The following LPP variants were observed in gnomAD, a reference collection of about 807,000 sequenced individuals.
The protein encoded by LPP is LIM domain containing preferred translocation partner in lipoma.
Under a neutral mutation model 60.4 loss-of-function variants are expected in LPP, and 38 were observed. The observed-to-expected ratio is 0.63, with a 90% CI of 0.49 to 0.83. The LOEUF (loss-of-function observed/expected upper bound fraction) is 0.83. Ranked by LOEUF, LPP falls within the 40% of genes least tolerant of loss-of-function variation. The probability of loss-of-function intolerance (pLI) is 0.00; values close to 1 mark genes in which losing one functional copy is unlikely to be tolerated. For missense variants in LPP, 902 were observed against 783.6 expected (o/e 1.15, Z -1.80); for synonymous variants, 328 against 290.8 (o/e 1.13, Z -1.30).
intron 2 of LPP, among the ~76,000 whole-genome samples, chr3:188,230,593 G>C (rs531056558): frequency 6.6e-6 from 1 of 151,966 alleles, no homozygotes; most frequent in Non-Finnish European, 1.5e-5. Context: ...AGACCAGACT[G>C]ACCAAAATGG....
chr3:188,681,819 T>C (rs1859590707), intron 7 of LPP, among the ~76,000 whole-genome samples: 1 of 152,224 alleles, frequency 6.6e-6, no homozygotes, highest in Non-Finnish European at 1.5e-5. Flanking sequence ...CTGATATTGT[T>C]TGCATGATGT....
intron 7 of LPP, among the ~76,000 whole-genome samples, chr3:188,625,937 A>G (rs1452372123): frequency 2.6e-5 from 4 of 152,192 alleles, no homozygotes; most frequent in African/African-American, 9.6e-5. Flanking sequence ...TGTATGTGCA[A>G]AAATAAAGGA....
At chr3:188,361,250 C>T (rs1769215469) in intron 3 of LPP, among the ~76,000 whole-genome samples, 1 of 152,086 alleles carries the variant, frequency 6.6e-6, no homozygotes, top group South Asian at 2.1e-4. Flanking sequence ...CTTTCATATT[C>T]TGAACTTCTC....
chr3:188,249,903 T>TA (rs1560157132), intron 2 of LPP, among the ~76,000 whole-genome samples: 27 of 81,962 alleles, frequency 3.3e-4, no homozygotes, highest in South Asian at 7.3e-4. Flanking sequence ...ATATATATAT[T>TA]TTTTTTTTTT....
chr3:188,232,016 A>G (rs944395749), intron 2 of LPP, among the ~76,000 whole-genome samples: 40 of 152,212 alleles, frequency 2.6e-4, no homozygotes, highest in Admixed American at 2.2e-3. Flanking sequence ...ACAAGACCAG[A>G]CATAAAACCT....
In LPP at chr3:188,757,902, T is replaced by TG. The variant is rs1430830756; in HGVS notation, c.1241-2211_1241-2210insG. 2.4e-4 allele frequency among the ~76,000 whole-genome samples: 35 copies of TG among 148,286 alleles called. 1 individual carries two copies. In the East Asian group the frequency reaches 4.3e-3, roughly 18 times the overall value. On this transcript the variant is annotated intron_variant, in intron 8 of 11. Coordinates refer to ENST00000617246, the MANE Select transcript of LPP (RefSeq NM_001375462.1). ...TTTGTTTTTTTGGTTTTTTTTTTTT[T>TG]TTTTTTTCAGAATAATTTCAAAAAT...
intron 9 of LPP, among the ~76,000 whole-genome samples, chr3:188,777,275 C>A (rs1738102140): frequency 6.6e-6 from 1 of 151,522 alleles, no homozygotes. Context: ...CATCCATTTT[C>A]TAACTATGCA....
intron 6 of LPP, among the ~76,000 whole-genome samples, chr3:188,567,872 C>T (rs1832570871): frequency 6.6e-6 from 1 of 151,976 alleles, no homozygotes; most frequent in Non-Finnish European, 1.5e-5. Context: ...GCTTTCATCA[C>T]CTGTATTTGG....
At chr3:188,657,260 A>AT (rs1853455006) in intron 7 of LPP, among the ~76,000 whole-genome samples, 3 of 103,632 alleles carry the variant, frequency 2.9e-5, no homozygotes, top group African/African-American at 1.2e-4. Flanking sequence ...GTCAAGGTGT[A>AT]TATATATATA....
At chr3:188,378,379 T>A (rs1366375947) in intron 3 of LPP, among the ~76,000 whole-genome samples, 1 of 152,200 alleles carries the variant, frequency 6.6e-6, no homozygotes, top group Non-Finnish European at 1.5e-5. Context: ...CTGGCCGCTT[T>A]GTTTACCTAA....
chr3:188,545,163 G>A (rs945201669), intron 6 of LPP, among the ~76,000 whole-genome samples: 4 of 122,562 alleles, frequency 3.3e-5, no homozygotes, highest in African/African-American at 1.3e-4. Context: ...TAGATGACAC[G>A]TTAGTGGGTG....
At chr3:188,689,285 T>C (rs2149452000) in intron 7 of LPP, among the ~76,000 whole-genome samples, 1 of 152,324 alleles carries the variant, frequency 6.6e-6, no homozygotes, top group East Asian at 1.9e-4. Context: ...GGTTCTGGAC[T>C]CTGAAGCCCA....
Position 188,811,370 on chromosome 3 carries a change from A to ACACG in LPP, c.1410+51091_1410+51092insGCAC, listed in dbSNP as rs1553855622. Among the ~76,000 whole-genome samples the ACACG allele has an allele frequency of 6.4e-4, 97 of 151,760 alleles. 1 individual carries two copies. The highest frequency in any genetic ancestry group is 2.3e-3 in the Admixed American group (35 of 15,238). Reference sequence around the variant, plus strand: ...GCTGTATACACACACACACACACACACACACACACACACACGCACACACGC... The same window carrying ACACG: ...GCTGTATACACACACACACACACACACACGCACACACACACACACGCACACACGC... On this transcript the variant is annotated intron_variant, in intron 9 of 11. Transcript: ENST00000617246.
intron 6 of LPP, among the ~76,000 whole-genome samples, chr3:188,592,146 T>C (rs1384557869): frequency 1.3e-5 from 2 of 152,200 alleles, no homozygotes; most frequent in Non-Finnish European, 2.9e-5. Context: ...TAAATATGTA[T>C]GATAAATAGG....
At chr3:188,693,794 T>C (rs1270308698) in intron 7 of LPP, among the ~76,000 whole-genome samples, 3 of 152,118 alleles carry the variant, frequency 2.0e-5, no homozygotes, top group African/African-American at 4.8e-5. Context: ...AGATTAGGGC[T>C]CCCAAAATTT....
At chr3:188,368,484 A>C (rs1243560166) in intron 3 of LPP, among the ~76,000 whole-genome samples, 1 of 152,040 alleles carries the variant, frequency 6.6e-6, no homozygotes, top group African/African-American at 2.4e-5. Context: ...AGATGAAGAA[A>C]TAGAGGGCCA....
chr3:188,701,584 A>T (rs1277443691), intron 7 of LPP, among the ~76,000 whole-genome samples: 1 of 152,224 alleles, frequency 6.6e-6, no homozygotes, highest in Non-Finnish European at 1.5e-5. Flanking sequence ...ACAAGGCCAC[A>T]TCTAACTGCA....
At chr3:188,703,757 A>G (rs867611566) in intron 7 of LPP, among the ~76,000 whole-genome samples, 7 of 152,224 alleles carry the variant, frequency 4.6e-5, no homozygotes, top group African/African-American at 1.7e-4. Context: ...TCAGAGAACA[A>G]AAAGAATGAT....
chr3:188,535,207 T>C (rs559754724), intron 6 of LPP, among the ~76,000 whole-genome samples: 7 of 152,188 alleles, frequency 4.6e-5, no homozygotes, highest in Non-Finnish European at 8.8e-5. Flanking sequence ...GGTTCCAGAC[T>C]GCAGAAGGGG....
Sources: gnomAD v4.1 joint callset for allele counts (sites outside exome capture counted in the v4.1 genomes callset) on GRCh38, gnomAD v4.1.1 for gene constraint, MANE v1.5 for transcripts, NCBI Gene and HGNC (gene_info 2026-07-23, HGNC 2026-07-21) for gene names.